CASK: variants seen among roughly 807,000 people sequenced by gnomAD.
The protein encoded by CASK is peripheral plasma membrane protein CASK.
A neutral mutation model predicts 82.9 loss-of-function variants in CASK; 4 were observed. The observed-to-expected ratio is 0.05, with a 90% confidence interval of 0.02 to 0.11. The LOEUF (loss-of-function observed/expected upper bound fraction) is 0.11. CASK is among the 10% of genes least tolerant of loss of function. The pLI is 1.00. For synonymous variants in CASK, 259 were observed against 253.5 expected, an observed-to-expected ratio of 1.02 and a Z score of -0.20; for missense variants, 358 against 720.9, an observed-to-expected ratio of 0.50 and a Z score of 5.76.
chrX:41,651,931 T>C (rs5964029), intron 8 of CASK, among the ~76,000 whole-genome samples: 1,468 of 111,082 alleles, frequency 0.013, 24 homozygotes, highest in African/African-American at 0.04. Context: ...AAGTAACATA[T>C]AGGTATGTCT....
chrX:41,861,967 A>C (rs1243344069), intron 1 of CASK, among the ~76,000 whole-genome samples: 8 of 104,479 alleles, frequency 7.7e-5, no homozygotes, highest in Admixed American at 2.2e-4. Context: ...ATATGTATAT[A>C]TACATTATAC....
chrX:41,748,378 T>C lies in CASK; in HGVS notation c.279-2777A>G, dbSNP rs142947009. ...GTGAATTTGAAATCACTGATGATCA[T>C]AGAGCTGGGAAAATTGTTGTGAACC... is the stretch of plus-strand genomic sequence containing the variant. On this transcript the variant is annotated intron_variant, in intron 3 of 26. Coordinates refer to ENST00000378163, the MANE Select transcript of CASK (RefSeq NM_001367721.1). The C allele has an allele frequency of 7.8e-4, 116 of 148,841 alleles. 1 individual carries two copies. In the Middle Eastern group the frequency reaches 9.9e-3, roughly 13 times the overall value. 12.3% of individuals were successfully genotyped at this position (148,841 alleles called of 1,213,427 possible). A position where few individuals can be genotyped will look rare whatever the true frequency, so the allele number is the denominator to read the frequency against.
intron 8 of CASK, among the ~76,000 whole-genome samples, chrX:41,639,608 C>T (rs1398518332): frequency 1.8e-5 from 2 of 111,096 alleles, no homozygotes; most frequent in African/African-American, 6.5e-5. Flanking sequence ...GGTATAATTA[C>T]ATACAATAAG....
chrX:41,527,273 A>G (rs1316837502), intron 25 of CASK, among the ~76,000 whole-genome samples: 2 of 106,914 alleles, frequency 1.9e-5, no homozygotes, highest in Non-Finnish European at 3.8e-5. Flanking sequence ...GTGTGTGTGT[A>G]GAGAGAGAGA....
chrX:41,613,191 G>T (rs761446597), intron 11 of CASK, among the ~76,000 whole-genome samples: 1 of 112,188 alleles, frequency 8.9e-6, no homozygotes, highest in East Asian at 2.8e-4. Context: ...GAATGGAAAG[G>T]GGGGAAAGGT....
intron 22 of CASK, among the ~76,000 whole-genome samples, chrX:41,538,889 T>G (rs181127011): frequency 9.0e-6 from 1 of 111,625 alleles, no homozygotes; most frequent in African/African-American, 3.3e-5. Flanking sequence ...GCTAATGTGG[T>G]TGAATGAAGT....
chrX:41,590,023 GA>G (rs911540625), intron 12 of CASK: 3 of 148,975 alleles, frequency 2.0e-5, no homozygotes, highest in African/African-American at 9.5e-5. Flanking sequence ...AATTTTCACA[GA>G]AACCTAAATC....
intron 3 of CASK, among the ~76,000 whole-genome samples, chrX:41,759,897 C>T (rs1471255631): frequency 9.0e-6 from 1 of 111,695 alleles, no homozygotes; most frequent in African/African-American, 3.3e-5. Context: ...TGATTTTTCA[C>T]AATTTCCAGG....
chrX:41,535,035 T>C (rs2064856658), intron 22 of CASK, 62 bp from the exon 23 acceptor site: 3 of 735,221 alleles, frequency 4.1e-6, no homozygotes, highest in Non-Finnish European at 6.2e-6. Context: ...TGTACATAAA[T>C]TATAATTTTA....
chrX:41,643,492 C>T (rs2066697745), intron 8 of CASK, among the ~76,000 whole-genome samples: 1 of 111,493 alleles, frequency 9.0e-6, no homozygotes, highest in South Asian at 3.7e-4. Context: ...CCTTCACATC[C>T]TTTGTAAGTT....
intron 3 of CASK, among the ~76,000 whole-genome samples, chrX:41,752,120 G>C (rs1426144692): frequency 3.7e-5 from 4 of 108,863 alleles, no homozygotes; most frequent in Non-Finnish European, 7.6e-5. Context: ...TAAAAGCTCA[G>C]TCTAAAAACT....
At chrX:41,914,901 T>C (rs2072645130) in intron 1 of CASK, among the ~76,000 whole-genome samples, 1 of 112,183 alleles carries the variant, frequency 8.9e-6, no homozygotes, top group Non-Finnish European at 1.9e-5. Flanking sequence ...ATAAAATTAC[T>C]AGTATCCACA....
At position 41,559,664 on chromosome X, in the gene CASK, A is replaced by G. The variant is rs1290086155; in HGVS notation, c.1737+115T>C. 3 of 605,340 alleles carry G rather than the reference A, an allele frequency of 5.0e-6. No individual in the cohort carries two copies. In the Admixed American group the frequency reaches 7.9e-5, roughly 16 times the overall value. 49.9% of individuals were successfully genotyped at this position (605,340 alleles called of 1,213,427 possible). ...TATCTTTGTTGTAAAATTGGTGTGC[A>G]GTGATCTAACAGCACAGGCAGAAAC... On this transcript the variant is annotated intron_variant, in intron 18 of 26. Transcript: ENST00000378163.
At chrX:41,672,467 A>G (rs1329388142) in intron 5 of CASK, among the ~76,000 whole-genome samples, 1 of 111,654 alleles carries the variant, frequency 9.0e-6, no homozygotes, top group Non-Finnish European at 1.9e-5. Context: ...GGCTAGTAAA[A>G]AAAGCAAGTC....
At chrX:41,671,574 G>A (rs909425620) in intron 5 of CASK, 44 bp from the exon 6 acceptor site, 13 of 807,374 alleles carry the variant, frequency 1.6e-5, no homozygotes, top group Non-Finnish European at 2.1e-5. Context: ...AAACAAACCC[G>A]AAGATAAGGA....
At chrX:41,810,106 C>T (rs1325251176) in intron 2 of CASK, among the ~76,000 whole-genome samples, 3 of 112,057 alleles carry the variant, frequency 2.7e-5, no homozygotes, top group Admixed American at 9.4e-5. Context: ...ACCAAATCTA[C>T]GTCTGATTGG....
intron 24 of CASK, among the ~76,000 whole-genome samples, chrX:41,532,724 A>G (rs1310847847): frequency 3.6e-5 from 4 of 111,693 alleles, no homozygotes; most frequent in Non-Finnish European, 1.9e-5. Context: ...GTTTGTTAGA[A>G]CATAAAGTGC....
intron 5 of CASK, among the ~76,000 whole-genome samples, chrX:41,699,218 C>T (rs2067749749): frequency 9.0e-6 from 1 of 111,500 alleles, no homozygotes; most frequent in African/African-American, 3.3e-5. Flanking sequence ...AGCCACCGCG[C>T]CCGGCCAGTT....
At chrX:41,545,642 T>C (rs1421815440) in intron 21 of CASK, among the ~76,000 whole-genome samples, 2 of 111,922 alleles carry the variant, frequency 1.8e-5, no homozygotes, top group Non-Finnish European at 3.8e-5. Context: ...TTCCCGACCT[T>C]GTGCATTTCC....
Sources: allele counts gnomAD v4.1 joint callset (sites outside exome capture counted in the v4.1 genomes callset), GRCh38; gene constraint gnomAD v4.1.1; transcripts MANE v1.5; gene names NCBI Gene and HGNC (gene_info 2026-07-23, HGNC 2026-07-21).